PPP2R2B: variants seen among roughly 807,000 people sequenced by gnomAD.
PPP2R2B encodes the protein serine/threonine-protein phosphatase 2A 55 kDa regulatory subunit B beta isoform.
A neutral mutation model predicts 46.0 loss-of-function variants in PPP2R2B; 5 were observed. The observed-to-expected ratio is 0.11, with a 90% CI of 0.06 to 0.23. The LOEUF (loss-of-function observed/expected upper bound fraction) is 0.23. Ranked by LOEUF, PPP2R2B falls within the 10% of genes least tolerant of loss-of-function variation. The pLI, the probability that PPP2R2B is intolerant of heterozygous loss-of-function variation, is 1.00. For synonymous variants in PPP2R2B, 215 were observed against 206.7 expected (o/e 1.04, Z -0.34); for missense variants, 367 against 575.0 (o/e 0.64, Z 3.70).
At chr5:146,925,881 G>T (rs1376747009) in intron 1 of PPP2R2B, among the ~76,000 whole-genome samples, 1 of 151,864 alleles carries the variant, frequency 6.6e-6, no homozygotes, top group Non-Finnish European at 1.5e-5. Flanking sequence ...TTGATTTATA[G>T]TTCACTGATT....
intron 2 of PPP2R2B, among the ~76,000 whole-genome samples, chr5:146,739,308 C>T (rs1268373481): frequency 6.6e-6 from 1 of 152,200 alleles, no homozygotes; most frequent in East Asian, 1.9e-4. Flanking sequence ...GTGTGAGCCA[C>T]TGTACTTGGG....
At chr5:146,930,032 T>C (rs1470391083) in intron 1 of PPP2R2B, among the ~76,000 whole-genome samples, 1 of 152,226 alleles carries the variant, frequency 6.6e-6, no homozygotes, top group Non-Finnish European at 1.5e-5. Flanking sequence ...ACAGAATTTA[T>C]GTTCTGTAGG....
At chr5:147,081,172 AAG>A in intron 1 of PPP2R2B, 2 of 1,534,690 alleles carry the variant, frequency 1.3e-6, no homozygotes, top group South Asian at 2.4e-5. Flanking sequence ...CAGGTTAGGT[AAG>A]AGCTCCCAGT....
At chr5:146,940,164 T>A (rs1195860152) in intron 1 of PPP2R2B, among the ~76,000 whole-genome samples, 1 of 152,200 alleles carries the variant, frequency 6.6e-6, no homozygotes, top group African/African-American at 2.4e-5. Flanking sequence ...CTTGCATCAT[T>A]TTCTTCTTTC....
At chr5:146,791,662 C>A (rs1481102513) in intron 2 of PPP2R2B, among the ~76,000 whole-genome samples, 1 of 152,208 alleles carries the variant, frequency 6.6e-6, no homozygotes, top group East Asian at 1.9e-4. Flanking sequence ...TTTGCAGATG[C>A]TATTCCACTT....
intron 7 of PPP2R2B, among the ~76,000 whole-genome samples, chr5:146,604,941 G>A (rs1018765116): frequency 2.0e-5 from 3 of 152,080 alleles, no homozygotes; most frequent in Admixed American, 6.6e-5. Flanking sequence ...TCCCACTTTG[G>A]TGCCTCTGTT....
chr5:146,911,872 G>A lies in PPP2R2B; in HGVS notation c.79+143793C>T, dbSNP rs188155457. 4.9e-4 allele frequency among the ~76,000 whole-genome samples: 75 copies of A among 152,298 alleles called. 2 individuals are homozygous for A. In the East Asian group the frequency reaches 6.2e-3, roughly 13 times the overall value. ...TAAAGGTACACTTCCTATACTTAGG[G>A]TTTTTTCAGCACAGTGGAGGACGAA... On this transcript the variant is annotated intron_variant, in intron 1 of 8. Coordinates refer to the PPP2R2B transcript ENST00000336640.
At chr5:146,714,059 C>T (rs1780349684) in intron 2 of PPP2R2B, among the ~76,000 whole-genome samples, 1 of 151,868 alleles carries the variant, frequency 6.6e-6, no homozygotes, top group Non-Finnish European at 1.5e-5. Context: ...AACAGTAGGG[C>T]ACTCCAACAT....
intron 2 of PPP2R2B, among the ~76,000 whole-genome samples, chr5:146,802,348 CA>C (rs1273012515): frequency 6.6e-6 from 1 of 152,180 alleles, no homozygotes; most frequent in Admixed American, 6.5e-5. Context: ...AAGAACTCAA[CA>C]GGGGGGTGGC....
At chr5:146,730,900 G>A (rs1324535948) in intron 2 of PPP2R2B, among the ~76,000 whole-genome samples, 2 of 152,190 alleles carry the variant, frequency 1.3e-5, no homozygotes, top group African/African-American at 4.8e-5. Flanking sequence ...GGCATGAGGA[G>A]TCTGACCAGG....
intron 1 of PPP2R2B, among the ~76,000 whole-genome samples, chr5:146,983,779 T>C (rs1440808434): frequency 6.6e-6 from 1 of 152,104 alleles, no homozygotes; most frequent in South Asian, 2.1e-4. Flanking sequence ...TTTTTGTATA[T>C]TGCCTTTTTT....
chr5:147,058,567 T>C (rs552805734), upstream of PPP2R2B, among the ~76,000 whole-genome samples: 3 of 152,292 alleles, frequency 2.0e-5, no homozygotes, highest in South Asian at 6.2e-4. Flanking sequence ...AAGTCCCAAA[T>C]AGGCCTCTCC....
chr5:146,743,627 T>TTTA (rs1245404688), intron 2 of PPP2R2B, among the ~76,000 whole-genome samples: 1 of 152,260 alleles, frequency 6.6e-6, no homozygotes, highest in East Asian at 1.9e-4. Context: ...ATGCTTTAAT[T>TTTA]TTATTATTAT....
At chr5:146,829,960 G>A (rs1422030855) in intron 2 of PPP2R2B, among the ~76,000 whole-genome samples, 1 of 152,144 alleles carries the variant, frequency 6.6e-6, no homozygotes, top group Admixed American at 6.6e-5. Flanking sequence ...TGGTAAGCCT[G>A]TATTTTCTCA....
At chr5:146,703,349 A>G (rs916335285) in intron 2 of PPP2R2B, among the ~76,000 whole-genome samples, 1 of 152,128 alleles carries the variant, frequency 6.6e-6, no homozygotes, top group Non-Finnish European at 1.5e-5. Flanking sequence ...AAATAATGAG[A>G]GGGTGGTGGG....
At chr5:147,029,781 G>A (rs530806475) in intron 1 of PPP2R2B, among the ~76,000 whole-genome samples, 1 of 152,250 alleles carries the variant, frequency 6.6e-6, no homozygotes, top group South Asian at 2.1e-4. Flanking sequence ...GAGCAAGAAG[G>A]AAGCTGTCTG....
intron 2 of PPP2R2B, among the ~76,000 whole-genome samples, chr5:146,869,849 T>C (rs1761512554): frequency 1.3e-5 from 2 of 152,136 alleles, no homozygotes; most frequent in Non-Finnish European, 2.9e-5. Context: ...CCAACTTGAG[T>C]GTCTCTAGCC....
chr5:146,808,778 A>T (rs1757346367), intron 2 of PPP2R2B, among the ~76,000 whole-genome samples: 1 of 152,198 alleles, frequency 6.6e-6, no homozygotes, highest in Non-Finnish European at 1.5e-5. Flanking sequence ...ATCTGCAGGG[A>T]CATCAACTGT....
chr5:147,029,026 T>A (rs1162339176), intron 1 of PPP2R2B, among the ~76,000 whole-genome samples: 1 of 152,196 alleles, frequency 6.6e-6, no homozygotes, highest in Admixed American at 6.5e-5. Flanking sequence ...TTATTTGTAG[T>A]TCCTTATAAT....
Sources: allele counts gnomAD v4.1 joint callset (sites outside exome capture counted in the v4.1 genomes callset), GRCh38; gene constraint gnomAD v4.1.1; transcripts MANE v1.5; gene names NCBI Gene and HGNC (gene_info 2026-07-23, HGNC 2026-07-21).